Variants in ALK observed in about 807,000 individuals in gnomAD.
The protein encoded by ALK is ALK tyrosine kinase receptor.
ALK carries 74 observed loss-of-function variants against 163.1 expected under a neutral mutation model. The observed-to-expected ratio is 0.45, with a 90% confidence interval of 0.38 to 0.55. The LOEUF is 0.55. Among genes scored for constraint, ALK ranks in the 20% least tolerant of loss-of-function variants. ALK has a pLI of 0.00. For synonymous variants in ALK, 960 were observed against 843.2 expected, an observed-to-expected ratio of 1.14 and a Z score of -2.40; for missense variants, 2,063 against 2,105.3, an observed-to-expected ratio of 0.98 and a Z score of 0.39.
Position 29,223,675 on chromosome 2 carries a change from A to T in ALK, c.3173-147T>A, listed in dbSNP as rs76146270. 5,953 of 700,850 alleles carry T rather than the reference A, an allele frequency of 8.5e-3. 267 individuals are homozygous for T. In the African/African-American group the frequency reaches 0.096, roughly 11 times the overall value. The allele number at this position is 700,850 out of a possible 1,614,324, so 43.4% of individuals were successfully genotyped here. The stretch of plus-strand genomic sequence containing the variant: ...CCATCATACTTAGAAATACTAATAA[A>T]ATGATTAAAGAAGGTGTGTCTTTAA... On this transcript the variant is annotated intron_variant, in intron 19 of 28. Coordinates refer to ENST00000389048, the MANE Select transcript of ALK (RefSeq NM_004304.5).
intron 1 of ALK, among the ~76,000 whole-genome samples, chr2:29,825,126 C>T (rs771643045): frequency 6.6e-6 from 1 of 152,220 alleles, no homozygotes; most frequent in Non-Finnish European, 1.5e-5. Flanking sequence ...TAAGAAGTGA[C>T]TTTCTCCTCC....
chr2:29,787,179 T>A (rs1343078600), intron 1 of ALK, among the ~76,000 whole-genome samples: 1 of 152,122 alleles, frequency 6.6e-6, no homozygotes, highest in Non-Finnish European at 1.5e-5. Flanking sequence ...ATGTTTCACA[T>A]CAGGTTCGAT....
At chr2:29,280,139 G>A (rs993877157) in intron 9 of ALK, among the ~76,000 whole-genome samples, 3 of 152,110 alleles carry the variant, frequency 2.0e-5, no homozygotes, top group Non-Finnish European at 4.4e-5. Flanking sequence ...CATGTATGAG[G>A]TGGCCCACTC....
At chr2:29,753,192 T>A (rs1680422891) in intron 1 of ALK, among the ~76,000 whole-genome samples, 1 of 152,184 alleles carries the variant, frequency 6.6e-6, no homozygotes, top group African/African-American at 2.4e-5. Flanking sequence ...AGCATTAAAA[T>A]AAAATCTTTG....
chr2:29,199,507 C>T (rs1321229179), intron 26 of ALK, among the ~76,000 whole-genome samples: 1 of 152,150 alleles, frequency 6.6e-6, no homozygotes, highest in Non-Finnish European at 1.5e-5. Flanking sequence ...TTTCAAATAA[C>T]TACTCTTCCA....
intron 3 of ALK, among the ~76,000 whole-genome samples, chr2:29,561,438 T>C (rs1332812711): frequency 6.6e-6 from 1 of 152,194 alleles, no homozygotes; most frequent in Non-Finnish European, 1.5e-5. Context: ...GGTGTTGGGC[T>C]GGGCGTGGAG....
At chr2:29,478,866 A>G (rs2148116532) in intron 4 of ALK, among the ~76,000 whole-genome samples, 1 of 152,322 alleles carries the variant, frequency 6.6e-6, no homozygotes, top group East Asian at 1.9e-4. Context: ...GGGTGGGAGC[A>G]TAGCTGGCTT....
chr2:29,285,755 GTT>G (rs573926346), intron 9 of ALK, among the ~76,000 whole-genome samples: 447 of 151,244 alleles, frequency 3.0e-3, no homozygotes, highest in Admixed American at 5.4e-3. Context: ...TAAAGACGGG[GTT>G]TTACCATGTT....
chr2:29,194,669 C>T (rs1419406127), intron 28 of ALK, among the ~76,000 whole-genome samples: 1 of 133,122 alleles, frequency 7.5e-6, no homozygotes, highest in Non-Finnish European at 1.6e-5. Context: ...CCCACCCCCC[C>T]ACCCCCGCTA....
intron 1 of ALK, among the ~76,000 whole-genome samples, chr2:29,853,567 T>A (rs891082615): frequency 6.6e-6 from 1 of 152,150 alleles, no homozygotes; most frequent in East Asian, 1.9e-4. Context: ...CTCAACCAGC[T>A]TCCTTCCTGC....
intron 3 of ALK, among the ~76,000 whole-genome samples, chr2:29,557,518 T>C (rs1446471547): frequency 1.3e-5 from 2 of 152,136 alleles, no homozygotes; most frequent in Non-Finnish European, 1.5e-5. Flanking sequence ...TAGGTCAGTA[T>C]CCTTTATTTT....
intron 3 of ALK, among the ~76,000 whole-genome samples, chr2:29,670,784 G>A (rs1297977306): frequency 6.6e-6 from 1 of 151,930 alleles, no homozygotes; most frequent in East Asian, 1.9e-4. Context: ...TTTCTGTTGA[G>A]AGTCTCTAAT....
intron 1 of ALK, among the ~76,000 whole-genome samples, chr2:29,859,567 GGTGGAAGAA>G (rs1666227672): frequency 6.6e-6 from 1 of 152,150 alleles, no homozygotes; most frequent in Non-Finnish European, 1.5e-5. Flanking sequence ...CAAAACCGCA[GGTGGAAGAA>G]GAAAACCTGA....
intron 23 of ALK, among the ~76,000 whole-genome samples, chr2:29,218,483 A>C (rs1669698736): frequency 6.6e-6 from 1 of 152,166 alleles, no homozygotes; most frequent in Non-Finnish European, 1.5e-5. Context: ...TCCTTGCTGG[A>C]CTATGTTCTT....
chr2:29,522,155 G>A (rs1672831975), intron 4 of ALK, among the ~76,000 whole-genome samples: 1 of 152,234 alleles, frequency 6.6e-6, no homozygotes, highest in African/African-American at 2.4e-5. Flanking sequence ...GTGATTGGGA[G>A]CAGGGACAGT....
chr2:29,275,746 A>G (rs1433799236), intron 9 of ALK, among the ~76,000 whole-genome samples: 1 of 152,102 alleles, frequency 6.6e-6, no homozygotes. Flanking sequence ...TCCAGCCTGG[A>G]GTTTGGGGCC....
chr2:29,602,463 C>T (rs551082900), intron 3 of ALK, among the ~76,000 whole-genome samples: 1 of 152,272 alleles, frequency 6.6e-6, no homozygotes, highest in African/African-American at 2.4e-5. Context: ...TGGAGTCCCA[C>T]CAGGCCACCT....
At chr2:29,430,494 GCATAAAAACAAC>G (rs138189248) in intron 4 of ALK, among the ~76,000 whole-genome samples, 4,800 of 152,252 alleles carry the variant, frequency 0.032, 121 homozygotes, top group Non-Finnish European at 0.051. Context: ...TGCCATGGTA[GCATAAAAACAAC>G]CATAGAAAAT....
At chr2:29,390,320 AG>A (rs969152987) in intron 4 of ALK, among the ~76,000 whole-genome samples, 3 of 152,136 alleles carry the variant, frequency 2.0e-5, no homozygotes, top group Non-Finnish European at 4.4e-5. Context: ...CTCACGGGTG[AG>A]ATCGACAATG....
Sources: gnomAD v4.1 joint callset for allele counts (sites outside exome capture counted in the v4.1 genomes callset) on GRCh38, gnomAD v4.1.1 for gene constraint, MANE v1.5 for transcripts, NCBI Gene and HGNC (gene_info 2026-07-23, HGNC 2026-07-21) for gene names.